LUZP2: variants seen among roughly 807,000 people sequenced by gnomAD.
The protein encoded by LUZP2 is leucine zipper protein 2.
In LUZP2, 52 loss-of-function variants were observed where a neutral mutation model predicts 51.6. The ratio of observed to expected loss-of-function variants is 1.01; its 90% CI spans 0.81 to 1.27. The LOEUF (loss-of-function observed/expected upper bound fraction) is 1.27. Among genes scored for constraint, LUZP2 ranks in the 50% most tolerant of loss-of-function variants. The pLI, the probability that LUZP2 is intolerant of heterozygous loss-of-function variation, is 0.00. For missense variants in LUZP2, 436 were observed against 395.4 expected, an observed-to-expected ratio of 1.10 and a Z score of -0.87; for synonymous variants, 154 against 137.3, an observed-to-expected ratio of 1.12 and a Z score of -0.85.
At chr11:25,011,185 C>T (rs955535194) in intron 9 of LUZP2, among the ~76,000 whole-genome samples, 1 of 152,014 alleles carries the variant, frequency 6.6e-6, no homozygotes, top group Non-Finnish European at 1.5e-5. Flanking sequence ...AGTGAATGCT[C>T]AATGAACAAA....
At chr11:24,840,853 G>A (rs1851006649) in intron 5 of LUZP2, among the ~76,000 whole-genome samples, 1 of 151,908 alleles carries the variant, frequency 6.6e-6, no homozygotes, top group Non-Finnish European at 1.5e-5. Context: ...TCTAAGAAGA[G>A]CCACAAATTT....
chr11:24,970,422 T>C (rs1415707733), intron 7 of LUZP2, among the ~76,000 whole-genome samples: 2 of 152,196 alleles, frequency 1.3e-5, no homozygotes, highest in African/African-American at 4.8e-5. Flanking sequence ...TAAACCTCAG[T>C]GAAATTTATC....
intron 2 of LUZP2, 109 bp from the exon 3 acceptor site, chr11:24,732,009 C>A (rs1329101177): frequency 1.4e-5 from 10 of 724,182 alleles, no homozygotes; most frequent in Non-Finnish European, 2.0e-5. Context: ...ATTTTTAATT[C>A]TTGTTCCAGG....
chr11:24,530,809 A>T, intron 1 of LUZP2, among the ~76,000 whole-genome samples: 1 of 98,254 alleles, frequency 1.0e-5, no homozygotes, highest in African/African-American at 3.7e-5. Flanking sequence ...GTTGACTTTC[A>T]TGACTTCACA....
chr11:24,912,965 C>T (rs1590721143), intron 6 of LUZP2, among the ~76,000 whole-genome samples: 1 of 152,106 alleles, frequency 6.6e-6, no homozygotes, highest in Non-Finnish European at 1.5e-5. Flanking sequence ...TATATCAACA[C>T]AGTTTACTAG....
At chr11:24,823,412 T>C (rs1202003456) in intron 5 of LUZP2, among the ~76,000 whole-genome samples, 1 of 149,538 alleles carries the variant, frequency 6.7e-6, no homozygotes, top group Non-Finnish European at 1.5e-5. Flanking sequence ...AAAAGACAGA[T>C]TTGGGCCATA....
At chr11:24,623,069 T>A (rs1854554082) in intron 1 of LUZP2, among the ~76,000 whole-genome samples, 1 of 152,002 alleles carries the variant, frequency 6.6e-6, no homozygotes, top group Non-Finnish European at 1.5e-5. Context: ...ACTGTAAATG[T>A]GCTTTAAAGA....
chr11:25,056,864 C>G (rs1858699343), intron 10 of LUZP2, among the ~76,000 whole-genome samples: 2 of 152,032 alleles, frequency 1.3e-5, no homozygotes, highest in Admixed American at 6.5e-5. Flanking sequence ...GCTTTGGGAG[C>G]CCAAGGTGGG....
intron 1 of LUZP2, among the ~76,000 whole-genome samples, chr11:24,716,404 T>C (rs1043234453): frequency 1.8e-4 from 28 of 152,208 alleles, no homozygotes; most frequent in African/African-American, 6.8e-4. Context: ...GAAAGACTAT[T>C]CCATGATAAG....
chr11:24,786,487 TTCCCCTAA>T (rs1207577254), intron 5 of LUZP2: 1 of 979,078 alleles, frequency 1.0e-6, no homozygotes, highest in Non-Finnish European at 1.2e-6. Context: ...TTGTAACACC[TTCCCCTAA>T]TGTGAAGAAT....
chr11:24,785,610 A>C (rs1281833961), intron 5 of LUZP2, among the ~76,000 whole-genome samples: 1 of 152,052 alleles, frequency 6.6e-6, no homozygotes, highest in African/African-American at 2.4e-5. Flanking sequence ...AATGAGCTTG[A>C]CAAGATGACC....
chr11:24,796,570 GAA>G (rs772729654), intron 5 of LUZP2, among the ~76,000 whole-genome samples: 1 of 116,374 alleles, frequency 8.6e-6, no homozygotes, highest in African/African-American at 3.1e-5. Context: ...GAGCCAAAGA[GAA>G]AAAAAAAAAA....
intron 7 of LUZP2, among the ~76,000 whole-genome samples, chr11:24,920,007 A>T (rs1055706138): frequency 1.3e-5 from 2 of 151,886 alleles, no homozygotes; most frequent in African/African-American, 4.8e-5. Context: ...TTAAGAGATT[A>T]TAAAGTAAAA....
chr11:24,844,598 C>G (rs1159859226), intron 5 of LUZP2, among the ~76,000 whole-genome samples: 3 of 152,126 alleles, frequency 2.0e-5, no homozygotes, highest in African/African-American at 4.8e-5. Flanking sequence ...AAAAATGTCT[C>G]CAGGGCATGT....
At chr11:24,768,159 G>A (rs893664301) in intron 5 of LUZP2, among the ~76,000 whole-genome samples, 2 of 151,726 alleles carry the variant, frequency 1.3e-5, no homozygotes, top group South Asian at 2.1e-4. Context: ...TTTGATACAG[G>A]GTCTCACTCT....
At chr11:24,644,639 C>T (rs1464372600) in intron 1 of LUZP2, among the ~76,000 whole-genome samples, 14 of 152,020 alleles carry the variant, frequency 9.2e-5, no homozygotes. Context: ...ATGGAGGACT[C>T]AAGCAGGGGT....
At chr11:24,793,675 C>A (rs967802579) in intron 5 of LUZP2, among the ~76,000 whole-genome samples, 1 of 152,122 alleles carries the variant, frequency 6.6e-6, no homozygotes, top group African/African-American at 2.4e-5. Flanking sequence ...AATATTAAGG[C>A]AGTCTTGCCT....
chr11:24,711,546 C>A (rs1414181362), intron 1 of LUZP2, among the ~76,000 whole-genome samples: 4 of 152,032 alleles, frequency 2.6e-5, no homozygotes, highest in Non-Finnish European at 5.9e-5. Flanking sequence ...GACTGCCTGG[C>A]TGTGAAAGAT....
chr11:24,854,667 GAAAA>G (rs34378292), intron 5 of LUZP2, among the ~76,000 whole-genome samples: 4 of 135,634 alleles, frequency 2.9e-5, no homozygotes, highest in East Asian at 2.2e-4. Flanking sequence ...ACTGGGATAT[GAAAA>G]AAAAAAAAAA....
Sources: allele counts gnomAD v4.1 joint callset (sites outside exome capture counted in the v4.1 genomes callset), GRCh38; gene constraint gnomAD v4.1.1; transcripts MANE v1.5; gene names NCBI Gene and HGNC (gene_info 2026-07-23, HGNC 2026-07-21).